AXDND1: variants seen among roughly 807,000 people sequenced by gnomAD.
The protein encoded by AXDND1 is axonemal dynein light chain domain containing 1.
Under a neutral mutation model 137.5 loss-of-function variants are expected in AXDND1, and 110 were observed. That is an observed-to-expected ratio of 0.80 (90% confidence interval 0.69 to 0.94). AXDND1 has a LOEUF of 0.94. AXDND1 is among the 40% of genes least tolerant of loss of function. The pLI is 0.00. For synonymous variants in AXDND1, 414 were observed against 399.7 expected (o/e 1.04, Z -0.43); for missense variants, 1,191 against 1,169.8 (o/e 1.02, Z -0.26).
intron 12 of AXDND1, among the ~76,000 whole-genome samples, chr1:179,416,099 T>A (rs1654662095): frequency 6.6e-6 from 1 of 152,172 alleles, no homozygotes; most frequent in Non-Finnish European, 1.5e-5. Flanking sequence ...CTCTCTCTCC[T>A]ACCCTTCCTG....
chr1:179,480,311 C>T (rs1227346864), intron 17 of AXDND1, among the ~76,000 whole-genome samples: 2 of 152,194 alleles, frequency 1.3e-5, no homozygotes, highest in Admixed American at 6.5e-5. Flanking sequence ...AGGCACATCT[C>T]ACATGGCAGC....
intron 18 of AXDND1, among the ~76,000 whole-genome samples, chr1:179,488,449 A>G (rs1208971795): frequency 6.8e-6 from 1 of 148,030 alleles, no homozygotes; most frequent in Non-Finnish European, 1.5e-5. Context: ...TGGTTTTTAT[A>G]GAGATGGGGT....
At chr1:179,485,498 C>G (rs914472693) in intron 18 of AXDND1, among the ~76,000 whole-genome samples, 1 of 152,074 alleles carries the variant, frequency 6.6e-6, no homozygotes, top group Admixed American at 6.6e-5. Context: ...TGAATCAAAC[C>G]TCCAAGGATG....
intron 25 of AXDND1, among the ~76,000 whole-genome samples, chr1:179,553,815 G>A (rs986232995): frequency 5.9e-5 from 9 of 151,968 alleles, no homozygotes; most frequent in African/African-American, 1.7e-4. Flanking sequence ...GCACAATCTC[G>A]ACTCACTGCA....
At chr1:179,495,946 C>T (rs1262720937) in intron 20 of AXDND1, among the ~76,000 whole-genome samples, 3 of 134,304 alleles carry the variant, frequency 2.2e-5, no homozygotes, top group African/African-American at 8.3e-5. Context: ...GTTATCAAAT[C>T]CTTTCGCTGC....
At chr1:179,399,775 A>G (rs1651670977) in intron 11 of AXDND1, among the ~76,000 whole-genome samples, 1 of 152,252 alleles carries the variant, frequency 6.6e-6, no homozygotes, top group African/African-American at 2.4e-5. Flanking sequence ...GGACATGAAT[A>G]GACAATTCTC....
chr1:179,402,395 A>G (rs77113341), intron 11 of AXDND1, among the ~76,000 whole-genome samples: 2,671 of 152,146 alleles, frequency 0.018, 64 homozygotes, highest in African/African-American at 0.059. Context: ...CTTGCTTTCT[A>G]AGAAGTAGAA....
chr1:179,366,969 C>T (rs892813319), intron 2 of AXDND1, among the ~76,000 whole-genome samples: 13 of 152,112 alleles, frequency 8.5e-5, no homozygotes, highest in Non-Finnish European at 1.3e-4. Context: ...CCTGTAATCC[C>T]AGCACTTTGG....
At chr1:179,500,429 T>G (rs1282263935) in intron 20 of AXDND1, among the ~76,000 whole-genome samples, 1 of 151,320 alleles carries the variant, frequency 6.6e-6, no homozygotes, top group Non-Finnish European at 1.5e-5. Flanking sequence ...AAAGGTAATA[T>G]TTATAATAAT....
intron 21 of AXDND1, among the ~76,000 whole-genome samples, chr1:179,524,103 T>C (rs1670321468): frequency 6.6e-6 from 1 of 152,226 alleles, no homozygotes; most frequent in South Asian, 2.1e-4. Flanking sequence ...GATGGGCATT[T>C]GGGCTGGTTC....
intron 4 of AXDND1, among the ~76,000 whole-genome samples, chr1:179,373,892 A>G (rs1192846059): frequency 1.3e-5 from 2 of 152,238 alleles, no homozygotes. Flanking sequence ...AAACCAAGGC[A>G]ATACCATTCA....
Position 179,491,864 on chromosome 1 carries a change from C to A in AXDND1, c.2291+127C>A, listed in dbSNP as rs1194338456. 4 of 861,908 alleles carry A rather than the reference C, an allele frequency of 4.6e-6. No individual in the cohort carries two copies. The African/African-American group carries it at 5.3e-5, about 11-fold the overall frequency. 53.4% of individuals were successfully genotyped at this position (861,908 alleles called of 1,614,324 possible). A position where few individuals can be genotyped will look rare whatever the true frequency, so the allele number is the denominator to read the frequency against. On this transcript the variant is annotated intron_variant, in intron 19 of 25. Coordinates refer to ENST00000367618, the MANE Select transcript of AXDND1 (RefSeq NM_144696.6). The stretch of plus-strand genomic sequence containing the variant: ...TGAAAGAAATACTAGTTCAGTTTTT[C>A]AACTAGCTTTAACACTGTGAGCAGT...
intron 9 of AXDND1, among the ~76,000 whole-genome samples, chr1:179,391,768 C>A (rs186262886): frequency 6.6e-6 from 1 of 152,166 alleles, no homozygotes; most frequent in Non-Finnish European, 1.5e-5. Context: ...AAGCTCCTGA[C>A]CTCAGGTGAT....
At chr1:179,405,513 T>C (rs1652819889) in intron 11 of AXDND1, among the ~76,000 whole-genome samples, 1 of 152,214 alleles carries the variant, frequency 6.6e-6, no homozygotes, top group Non-Finnish European at 1.5e-5. Flanking sequence ...TCCATAATGG[T>C]TGAACTAATT....
intron 15 of AXDND1, among the ~76,000 whole-genome samples, chr1:179,432,891 A>C (rs1657593468): frequency 6.8e-6 from 1 of 146,908 alleles, no homozygotes; most frequent in Non-Finnish European, 1.5e-5. Flanking sequence ...CAACACAGCA[A>C]GACTCCATCT....
chr1:179,372,853 T>G (rs1319715152), intron 4 of AXDND1, among the ~76,000 whole-genome samples: 17 of 152,082 alleles, frequency 1.1e-4, no homozygotes, highest in Admixed American at 1.0e-3. Context: ...CCAGCTAATT[T>G]TGTATTTTTA....
In AXDND1 at chr1:179,445,206, T is replaced by A. The variant is rs752303629; in HGVS notation, c.1798+2T>A. ...AAATAAGAATAAATGGGGACAATGGTAAGAAAATACTCATAATAATTAGAT... is the reference window on the plus strand; with the variant it reads ...AAATAAGAATAAATGGGGACAATGGAAAGAAAATACTCATAATAATTAGAT... On this transcript the variant is annotated splice_donor_variant, in intron 16 of 25. Coordinates refer to ENST00000367618, the MANE Select transcript of AXDND1 (RefSeq NM_144696.6). LOFTEE classifies it high-confidence loss of function. The A allele has an allele frequency of 6.6e-7, 1 of 1,512,298 alleles. No homozygotes were observed. The highest frequency in any genetic ancestry group is 1.2e-5 in the South Asian group (1 of 80,300). 93.7% of individuals were successfully genotyped at this position (1,512,298 alleles called of 1,614,324 possible).
intron 20 of AXDND1, among the ~76,000 whole-genome samples, chr1:179,494,159 C>A (rs1297300198): frequency 1.3e-4 from 20 of 152,082 alleles, no homozygotes; most frequent in Admixed American, 1.3e-3. Context: ...ACCGTGTTGA[C>A]CAGGCTGGTC....
chr1:179,407,841 T>G (rs1653217123), intron 11 of AXDND1, among the ~76,000 whole-genome samples: 1 of 152,222 alleles, frequency 6.6e-6, no homozygotes, highest in Non-Finnish European at 1.5e-5. Flanking sequence ...ATAGGTTTTC[T>G]GTGTCTTTGT....
Sources: allele counts gnomAD v4.1 joint callset (sites outside exome capture counted in the v4.1 genomes callset), GRCh38; gene constraint gnomAD v4.1.1; transcripts MANE v1.5; gene names NCBI Gene and HGNC (gene_info 2026-07-23, HGNC 2026-07-21).